Variants in RBFOX1 observed in about 807,000 individuals in gnomAD.
RBFOX1 encodes the protein RNA binding protein fox-1 homolog 1.
Under a neutral mutation model 57.7 loss-of-function variants are expected in RBFOX1, and 8 were observed. The ratio of observed to expected loss-of-function variants is 0.14; its 90% CI spans 0.08 to 0.25. RBFOX1 has a LOEUF of 0.25. Ranked by LOEUF, RBFOX1 falls within the 10% of genes least tolerant of loss-of-function variation. RBFOX1 has a pLI of 1.00. For missense variants in RBFOX1, 611 were observed against 548.5 expected (o/e 1.11, Z -1.14); for synonymous variants, 326 against 222.4 (o/e 1.47, Z -4.15).
chr16:7,280,811 C>T (rs951298203), intron 4 of RBFOX1, among the ~76,000 whole-genome samples: 4 of 152,116 alleles, frequency 2.6e-5, no homozygotes, highest in African/African-American at 9.7e-5. Flanking sequence ...GGAGTCAAAA[C>T]ATTGTCCAGT....
intron 3 of RBFOX1, among the ~76,000 whole-genome samples, chr16:7,021,396 A>G (rs1382416215): frequency 2.1e-5 from 3 of 146,208 alleles, no homozygotes; most frequent in Admixed American, 6.8e-5. Context: ...TTTTATTTTT[A>G]AATTTGTTTT....
chr16:5,955,112 C>A (rs1205310923), intron 4 of RBFOX1, among the ~76,000 whole-genome samples: 2 of 19,476 alleles, frequency 1.0e-4, no homozygotes, highest in African/African-American at 5.3e-4. Context: ...GAAACTCCAT[C>A]TCTACTAAAA....
intron 2 of RBFOX1, among the ~76,000 whole-genome samples, chr16:6,335,175 C>G (rs949857178): frequency 6.6e-6 from 1 of 152,218 alleles, no homozygotes; most frequent in East Asian, 1.9e-4. Flanking sequence ...GACACTCACA[C>G]TGGAATGTGT....
At chr16:5,289,339 AC>A in intron 1 of RBFOX1, 4 of 393,268 alleles carry the variant, frequency 1.0e-5, no homozygotes, top group South Asian at 3.4e-5. Context: ...CACTGGCATC[AC>A]CCCAGGAGGA....
intron 3 of RBFOX1, among the ~76,000 whole-genome samples, chr16:6,766,832 A>G (rs1292416631): frequency 3.3e-5 from 5 of 151,968 alleles, no homozygotes; most frequent in African/African-American, 1.2e-4. Context: ...GACCTAAAGG[A>G]TGGGAGGGGA....
intron 3 of RBFOX1, among the ~76,000 whole-genome samples, chr16:6,718,790 C>G (rs1470001008): frequency 6.6e-6 from 1 of 152,142 alleles, no homozygotes; most frequent in Admixed American, 6.5e-5. Flanking sequence ...TAGGTTGACT[C>G]CAGTCTCCGC....
chr16:7,052,383 A>G (rs978696307), intron 4 of RBFOX1, among the ~76,000 whole-genome samples: 2 of 152,220 alleles, frequency 1.3e-5, no homozygotes, highest in Non-Finnish European at 2.9e-5. Flanking sequence ...CTTTTTATGT[A>G]CAACACGAGG....
intron 2 of RBFOX1, among the ~76,000 whole-genome samples, chr16:6,350,818 G>C (rs1160678237): frequency 6.6e-6 from 1 of 152,304 alleles, no homozygotes; most frequent in South Asian, 2.1e-4. Context: ...ATACTCATCA[G>C]CAAGGATGCC....
chr16:7,707,809 C>T (rs1167917657), intron 14 of RBFOX1, among the ~76,000 whole-genome samples: 3 of 152,168 alleles, frequency 2.0e-5, no homozygotes, highest in South Asian at 2.1e-4. Context: ...TCATCTCAGA[C>T]GTTGCGTTTT....
chr16:6,181,928 T>TA (rs60417151), intron 1 of RBFOX1, among the ~76,000 whole-genome samples: 142,890 of 152,120 alleles, frequency 0.94, 67,363 homozygotes, highest in South Asian at 1. Context: ...TTTCCATCGA[T>TA]GGGGATGCCG....
chr16:7,387,494 C>A (rs957871702), intron 4 of RBFOX1, among the ~76,000 whole-genome samples: 2 of 152,130 alleles, frequency 1.3e-5, no homozygotes. Flanking sequence ...ATTGTATCTC[C>A]CTGGGTCTCG....
chr16:7,510,521 G>C (rs904551380), intron 4 of RBFOX1, among the ~76,000 whole-genome samples: 1 of 140,134 alleles, frequency 7.1e-6, no homozygotes, highest in Non-Finnish European at 1.5e-5. Context: ...GGGCGCGCGC[G>C]CACGCGCGCA....
In RBFOX1 at chr16:5,501,776, C is replaced by T. The variant is rs117933483; in HGVS notation, c.258+34522C>T. Among the ~76,000 whole-genome samples, 130 of 152,194 alleles carry T rather than the reference C, an allele frequency of 8.5e-4. 2 individuals are homozygous for T. In the East Asian group the frequency reaches 0.021, roughly 25 times the overall value. On this transcript the variant is annotated intron_variant, in intron 2 of 2. Coordinates refer to the RBFOX1 transcript ENST00000585867. ...TCACCCAGGCTGGAGTGTAGTGGTG[C>T]GGTCACAGCTCCCTGCAGTCTCAAA...
intron 2 of RBFOX1, among the ~76,000 whole-genome samples, chr16:6,416,999 A>G (rs1167836280): frequency 6.6e-6 from 1 of 151,770 alleles, no homozygotes; most frequent in Non-Finnish European, 1.5e-5. Flanking sequence ...ATTTGTGCAG[A>G]TCATTCCTCT....
intron 2 of RBFOX1, among the ~76,000 whole-genome samples, chr16:6,390,431 TA>T (rs1236698009): frequency 6.6e-6 from 1 of 152,112 alleles, no homozygotes; most frequent in African/African-American, 2.4e-5. Flanking sequence ...ATCAATTTTT[TA>T]AAAAATGTTT....
At chr16:7,487,781 A>G (rs552794759) in intron 4 of RBFOX1, among the ~76,000 whole-genome samples, 5 of 152,216 alleles carry the variant, frequency 3.3e-5, no homozygotes, top group African/African-American at 1.2e-4. Context: ...CACTTGGACA[A>G]CCTAAGAGCC....
intron 3 of RBFOX1, among the ~76,000 whole-genome samples, chr16:6,897,599 C>G (rs778132347): frequency 2.0e-4 from 31 of 152,258 alleles, no homozygotes; most frequent in Non-Finnish European, 4.1e-4. Context: ...TTTGACCAGT[C>G]TGGCCAACAT....
At chr16:7,297,779 A>C (rs2095929426) in intron 4 of RBFOX1, among the ~76,000 whole-genome samples, 1 of 152,158 alleles carries the variant, frequency 6.6e-6, no homozygotes, top group Admixed American at 6.5e-5. Context: ...TTATTGTGAA[A>C]ATCTAAGCGA....
chr16:6,553,649 C>A (rs573997348), intron 2 of RBFOX1, among the ~76,000 whole-genome samples: 2 of 151,972 alleles, frequency 1.3e-5, no homozygotes, highest in Non-Finnish European at 2.9e-5. Flanking sequence ...TCTCTCAGGA[C>A]AGGATGATAG....
Sources: gnomAD v4.1 joint callset for allele counts (sites outside exome capture counted in the v4.1 genomes callset) on GRCh38, gnomAD v4.1.1 for gene constraint, MANE v1.5 for transcripts, NCBI Gene and HGNC (gene_info 2026-07-23, HGNC 2026-07-21) for gene names.